Variants in LRMDA observed in about 807,000 individuals in gnomAD.
LRMDA encodes the protein leucine rich melanocyte differentiation associated.
LRMDA carries 18 observed loss-of-function variants against 29.8 expected under a neutral mutation model. The ratio of observed to expected loss-of-function variants is 0.60; its 90% CI spans 0.42 to 0.90. The LOEUF is 0.90. Ranked by LOEUF, LRMDA falls within the 40% of genes least tolerant of loss-of-function variation. The pLI, the probability that LRMDA is intolerant of heterozygous loss-of-function variation, is 0.00. For missense variants in LRMDA, 273 were observed against 273.9 expected, an observed-to-expected ratio of 1.00 and a Z score of 0.02; for synonymous variants, 125 against 109.4, an observed-to-expected ratio of 1.14 and a Z score of -0.89.
rs75486408 is a variant in LRMDA at position 75,998,452 on chromosome 10, C to T, written c.132-37556C>T. Among the ~76,000 whole-genome samples the T allele has an allele frequency of 2.0e-5, 3 of 152,232 alleles. No homozygotes were observed. In the East Asian group the frequency reaches 5.8e-4, roughly 29 times the overall value. On this transcript the variant is annotated intron_variant, in intron 2 of 6. Transcript: ENST00000611255. ...AAGTTCCCAGGAATTTGCACCTGTC[C>T]CTGAGTCTCATTTTCCTTATTTGTA...
At chr10:76,491,124 A>G (rs1842830032) in intron 6 of LRMDA, among the ~76,000 whole-genome samples, 1 of 151,886 alleles carries the variant, frequency 6.6e-6, no homozygotes, top group Admixed American at 6.6e-5. Flanking sequence ...ATTGTATTAT[A>G]ATCTCTATGT....
chr10:76,248,629 G>T (rs2132293810), intron 5 of LRMDA, among the ~76,000 whole-genome samples: 1 of 152,348 alleles, frequency 6.6e-6, no homozygotes, highest in African/African-American at 2.4e-5. Context: ...TCAGACGTAA[G>T]CAGAGCTACA....
At chr10:76,523,299 C>G (rs1843140939) in intron 6 of LRMDA, among the ~76,000 whole-genome samples, 1 of 152,130 alleles carries the variant, frequency 6.6e-6, no homozygotes, top group Non-Finnish European at 1.5e-5. Context: ...TGTCGAAGGG[C>G]TTTCCACTGG....
intron 5 of LRMDA, among the ~76,000 whole-genome samples, chr10:76,101,182 CTATT>C (rs1237295677): frequency 2.6e-5 from 4 of 152,030 alleles, no homozygotes; most frequent in African/African-American, 7.3e-5. Context: ...ACAAAAGTAT[CTATT>C]TATGAAGGAT....
chr10:76,478,641 G>C lies in LRMDA; in HGVS notation c.602-78568G>C, dbSNP rs375389287. Among the ~76,000 whole-genome samples the C allele has an allele frequency of 2.0e-5, 3 of 151,996 alleles. No homozygotes were observed. The East Asian group carries it at 5.8e-4, about 29-fold the overall frequency. ...TATTCACAATAGCAAAGACTTGGAA[G>C]CAACCCAAATGTCCAACAATGATAG... On this transcript the variant is annotated intron_variant, in intron 6 of 6. Transcript: ENST00000611255.
At chr10:76,225,734 A>T (rs1030116071) in intron 5 of LRMDA, among the ~76,000 whole-genome samples, 10 of 128,396 alleles carry the variant, frequency 7.8e-5, no homozygotes, top group Admixed American at 2.9e-4. Context: ...TTATATATAT[A>T]TTTTTATTAT....
chr10:75,974,632 C>T (rs1383289502), intron 2 of LRMDA, among the ~76,000 whole-genome samples: 1 of 152,088 alleles, frequency 6.6e-6, no homozygotes, highest in Non-Finnish European at 1.5e-5. Context: ...GTAAGTATTG[C>T]TTTTTCCTCA....
intron 5 of LRMDA, among the ~76,000 whole-genome samples, chr10:76,110,157 C>T (rs1849554098): frequency 6.6e-6 from 1 of 152,170 alleles, no homozygotes; most frequent in Admixed American, 6.5e-5. Context: ...CCTTCAAGGA[C>T]CTCTGAGATC....
At chr10:76,449,134 C>T (rs1303346184) in intron 6 of LRMDA, among the ~76,000 whole-genome samples, 6 of 151,716 alleles carry the variant, frequency 4.0e-5, no homozygotes, top group Non-Finnish European at 7.4e-5. Flanking sequence ...AAAGAACTTA[C>T]ATTTTCTTTT....
At chr10:76,023,179 G>C (rs999757035) in intron 2 of LRMDA, among the ~76,000 whole-genome samples, 6 of 151,940 alleles carry the variant, frequency 3.9e-5, no homozygotes, top group Middle Eastern at 3.4e-3. Flanking sequence ...CTTGGCAGGC[G>C]ATCGGCTTGG....
At chr10:76,178,701 A>G (rs1334252673) in intron 5 of LRMDA, among the ~76,000 whole-genome samples, 1 of 152,216 alleles carries the variant, frequency 6.6e-6, no homozygotes, top group Non-Finnish European at 1.5e-5. Flanking sequence ...GATCTAGACC[A>G]TCAGAAGAAC....
chr10:75,939,828 C>T (rs140894767), intron 2 of LRMDA, among the ~76,000 whole-genome samples: 1 of 152,142 alleles, frequency 6.6e-6, no homozygotes, highest in East Asian at 1.9e-4. Context: ...CTTGTGCACA[C>T]TGCCCAGCCA....
chr10:75,853,794 A>G (rs560418024), intron 2 of LRMDA, among the ~76,000 whole-genome samples: 1 of 152,314 alleles, frequency 6.6e-6, no homozygotes, highest in African/African-American at 2.4e-5. Flanking sequence ...GGACATCTTA[A>G]TCCTCTGGAC....
At chr10:75,916,802 A>G (rs879584219) in intron 2 of LRMDA, among the ~76,000 whole-genome samples, 1 of 152,194 alleles carries the variant, frequency 6.6e-6, no homozygotes, top group Non-Finnish European at 1.5e-5. Context: ...TTTTTATTAC[A>G]ATACATTATT....
chr10:75,845,226 C>G (rs1450004509), intron 2 of LRMDA, among the ~76,000 whole-genome samples: 1 of 150,408 alleles, frequency 6.6e-6, no homozygotes, highest in Non-Finnish European at 1.5e-5. Context: ...TTTTTAAATG[C>G]AATATTTTGT....
chr10:75,862,884 C>T (rs1564590032), intron 2 of LRMDA, among the ~76,000 whole-genome samples: 2 of 152,214 alleles, frequency 1.3e-5, no homozygotes, highest in Non-Finnish European at 2.9e-5. Context: ...CCATTTCTTA[C>T]CATGAAACGA....
At chr10:76,404,479 G>A (rs920562406) in intron 6 of LRMDA, among the ~76,000 whole-genome samples, 1 of 152,076 alleles carries the variant, frequency 6.6e-6, no homozygotes, top group African/African-American at 2.4e-5. Context: ...GGTGTATGAG[G>A]CCCCCATGAG....
chr10:75,618,355 A>ACTCT (rs753240055), intron 2 of LRMDA, among the ~76,000 whole-genome samples: 188 of 131,854 alleles, frequency 1.4e-3, no homozygotes, highest in African/African-American at 4.5e-3. Context: ...TCTTTACCAG[A>ACTCT]CTCTCTCTCT....
intron 6 of LRMDA, among the ~76,000 whole-genome samples, chr10:76,421,514 A>G (rs981830110): frequency 6.6e-6 from 1 of 152,186 alleles, no homozygotes; most frequent in East Asian, 1.9e-4. Context: ...ATATAGTGAC[A>G]TCTTAACTAA....
Sources: allele counts gnomAD v4.1 joint callset (sites outside exome capture counted in the v4.1 genomes callset), GRCh38; gene constraint gnomAD v4.1.1; transcripts MANE v1.5; gene names NCBI Gene and HGNC (gene_info 2026-07-23, HGNC 2026-07-21).